The following KCNIP4 variants were observed in gnomAD, a reference collection of about 807,000 sequenced individuals.
KCNIP4 encodes the protein potassium voltage-gated channel interacting protein 4, also known as Kv channel-interacting protein 4.
In KCNIP4, 12 loss-of-function variants were observed where a neutral mutation model predicts 34.0. The observed-to-expected ratio is 0.35, with a 90% CI of 0.23 to 0.57. The LOEUF is 0.57. KCNIP4 is among the 20% of genes least tolerant of loss of function. The pLI, the probability that KCNIP4 is intolerant of heterozygous loss-of-function variation, is 0.83. For missense variants in KCNIP4, 238 were observed against 311.7 expected (o/e 0.76, Z 1.78); for synonymous variants, 124 against 102.2 (o/e 1.21, Z -1.29).
intron 1 of KCNIP4, among the ~76,000 whole-genome samples, chr4:21,411,832 C>T (rs752730415): frequency 5.3e-5 from 8 of 151,892 alleles, no homozygotes; most frequent in Admixed American, 6.6e-5. Context: ...AGCAAGATCC[C>T]GTCTCAAAAA....
intron 1 of KCNIP4, among the ~76,000 whole-genome samples, chr4:21,119,829 G>A (rs1350141127): frequency 2.6e-5 from 4 of 152,092 alleles, no homozygotes; most frequent in Non-Finnish European, 5.9e-5. Flanking sequence ...TAAAGTTGGG[G>A]TAAATTAATT....
chr4:21,330,001 C>T (rs1402983847), intron 1 of KCNIP4, among the ~76,000 whole-genome samples: 1 of 152,082 alleles, frequency 6.6e-6, no homozygotes, highest in Admixed American at 6.6e-5. Context: ...CCGTTCATTA[C>T]CGTAGGATAA....
chr4:21,800,270 A>G (rs1720903302), intron 1 of KCNIP4, among the ~76,000 whole-genome samples: 1 of 152,182 alleles, frequency 6.6e-6, no homozygotes, highest in African/African-American at 2.4e-5. Flanking sequence ...TGTAACTGGC[A>G]GTTTTCACGG....
intron 2 of KCNIP4, among the ~76,000 whole-genome samples, chr4:20,867,495 C>T (rs1315830554): frequency 6.6e-6 from 1 of 152,046 alleles, no homozygotes; most frequent in Admixed American, 6.6e-5. Flanking sequence ...AAGCTGGACC[C>T]CCACCTTTCA....
At chr4:20,890,851 G>A (rs544549321) in intron 1 of KCNIP4, among the ~76,000 whole-genome samples, 13 of 152,250 alleles carry the variant, frequency 8.5e-5, no homozygotes, top group South Asian at 8.3e-4. Flanking sequence ...CTGAAAACAC[G>A]TCAGCCTATC....
intron 1 of KCNIP4, among the ~76,000 whole-genome samples, chr4:21,834,659 C>A (rs1489968702): frequency 2.6e-5 from 4 of 152,096 alleles, no homozygotes; most frequent in Non-Finnish European, 5.9e-5. Flanking sequence ...GAGGGCATCC[C>A]TGTCTTGTGC....
In KCNIP4 at chr4:21,320,964, T is replaced by TAAAAAAAAAAAAAAAAAAAAAAAAA. The variant is rs528123961; in HGVS notation, c.62-438256_62-438255insTTTTTTTTTTTTTTTTTTTTTTTTT. ...TGGGCAATAGAGCAAGAATCTGTCTTAAAAAAAAAAAAAAAAAAGAGGAAA... is the reference window on the plus strand; with the variant it reads ...TGGGCAATAGAGCAAGAATCTGTCTTAAAAAAAAAAAAAAAAAAAAAAAAAAAAAAAAAAAAAAAAAAAGAGGAAA... On this transcript the variant is annotated intron_variant, in intron 1 of 8. Transcript: ENST00000382152. 1.5e-3 allele frequency among the ~76,000 whole-genome samples: 153 copies of TAAAAAAAAAAAAAAAAAAAAAAAAA among 102,776 alleles called. 3 individuals carry two copies. Among genetic ancestry groups the TAAAAAAAAAAAAAAAAAAAAAAAAA allele is most frequent in the African/African-American group, 1.7e-3 (38 of 21,776 alleles). 67.4% of individuals were successfully genotyped at this position (102,776 alleles called of 152,430 possible). A position where few individuals can be genotyped will look rare whatever the true frequency, so the allele number is the denominator to read the frequency against.
At chr4:21,681,873 CT>C (rs35681482) in intron 1 of KCNIP4, among the ~76,000 whole-genome samples, 16,419 of 147,448 alleles carry the variant, frequency 0.11, 1,015 homozygotes, top group Non-Finnish European at 0.15. Flanking sequence ...GAATGCCACA[CT>C]TTTTTTTTTA....
chr4:21,021,859 CGTATAGTATAGTATAGTATAGTATA>C (rs148164124), intron 1 of KCNIP4, among the ~76,000 whole-genome samples: 50 of 145,844 alleles, frequency 3.4e-4, no homozygotes, highest in African/African-American at 1.0e-3. Flanking sequence ...AGTATAGTAT[CGTATAGTATAGTATAGTATAGTATA>C]GTATAGTATA....
chr4:20,901,225 C>G (rs565094774), intron 1 of KCNIP4, among the ~76,000 whole-genome samples: 1 of 152,310 alleles, frequency 6.6e-6, no homozygotes, highest in Admixed American at 6.5e-5. Context: ...GTTTAGGAAA[C>G]AGAAAATGTT....
chr4:21,001,617 T>A (rs931620021), intron 1 of KCNIP4, among the ~76,000 whole-genome samples: 11 of 152,194 alleles, frequency 7.2e-5, no homozygotes, highest in Non-Finnish European at 1.0e-4. Flanking sequence ...GAATGCACTC[T>A]CCTTAAGCAA....
intron 1 of KCNIP4, among the ~76,000 whole-genome samples, chr4:21,654,573 A>G (rs1439463205): frequency 6.6e-6 from 1 of 152,016 alleles, no homozygotes; most frequent in Admixed American, 6.6e-5. Flanking sequence ...CTTGTTCATC[A>G]TCACCCAAGT....
intron 5 of KCNIP4, among the ~76,000 whole-genome samples, chr4:20,747,117 A>T (rs1752556398): frequency 6.6e-6 from 1 of 152,214 alleles, no homozygotes; most frequent in Admixed American, 6.5e-5. Flanking sequence ...CCAAATTATA[A>T]TCAACGTTCA....
In KCNIP4 at chr4:21,118,918, A is replaced by G. The variant is rs923177608; in HGVS notation, c.62-236209T>C. 2.6e-5 allele frequency among the ~76,000 whole-genome samples: 4 copies of G among 152,168 alleles called. No individual in the cohort carries two copies. In the East Asian group the frequency reaches 5.8e-4, roughly 22 times the overall value. ...ATAAGAACCTAAGACCTTAGCCTCA[A>G]CCTCTAAAGAGGAATGAAATCGTGA... On this transcript the variant is annotated intron_variant, in intron 1 of 8. Coordinates refer to ENST00000382152, the MANE Select transcript of KCNIP4 (RefSeq NM_025221.6).
Position 21,597,886 on chromosome 4 carries a change from C to T in KCNIP4, c.61+350685G>A, listed in dbSNP as rs6839315. Among the ~76,000 whole-genome samples, 460 of 151,528 alleles carry T rather than the reference C, an allele frequency of 3.0e-3. 3 individuals carry two copies. Among genetic ancestry groups the T allele is most frequent in the African/African-American group, 0.011 (440 of 41,250 alleles). On this transcript the variant is annotated intron_variant, in intron 1 of 8. Transcript: ENST00000382152. ...TATAAAAAGAAAAAGAGGACTTGTT[C>T]GATTTATAGCAAAACATATATTTAG...
At chr4:21,280,910 G>A (rs1348372094) in intron 1 of KCNIP4, among the ~76,000 whole-genome samples, 1 of 152,082 alleles carries the variant, frequency 6.6e-6, no homozygotes, top group Admixed American at 6.5e-5. Flanking sequence ...GTGAGTTGGA[G>A]ATGTGAATGC....
intron 3 of KCNIP4, among the ~76,000 whole-genome samples, chr4:20,849,015 C>T (rs75461120): frequency 6.6e-6 from 1 of 152,136 alleles, no homozygotes; most frequent in Admixed American, 6.5e-5. Flanking sequence ...TGTTTCATTG[C>T]AAATACCTGC....
intron 3 of KCNIP4, among the ~76,000 whole-genome samples, chr4:20,835,850 C>T (rs1452128642): frequency 6.6e-6 from 1 of 152,078 alleles, no homozygotes; most frequent in Non-Finnish European, 1.5e-5. Context: ...AACTTGGAAT[C>T]ATCTATATTG....
chr4:21,147,549 A>G (rs1419436462), intron 1 of KCNIP4, among the ~76,000 whole-genome samples: 6 of 152,084 alleles, frequency 3.9e-5, no homozygotes, highest in Non-Finnish European at 8.8e-5. Context: ...TTTCTTTATT[A>G]TCAAAGTTTT....
Sources: allele counts gnomAD v4.1 joint callset (sites outside exome capture counted in the v4.1 genomes callset), GRCh38; gene constraint gnomAD v4.1.1; transcripts MANE v1.5; gene names NCBI Gene and HGNC (gene_info 2026-07-23, HGNC 2026-07-21).